The following DMD variants were observed in gnomAD, a reference collection of about 807,000 sequenced individuals.
The protein encoded by DMD is mutant dystrophin.
Under a neutral mutation model 330.1 loss-of-function variants are expected in DMD, and 63 were observed. The observed-to-expected ratio is 0.19, with a 90% CI of 0.16 to 0.24. The LOEUF (loss-of-function observed/expected upper bound fraction) is 0.24. Ranked by LOEUF, DMD falls within the 10% of genes least tolerant of loss-of-function variation. The pLI, the probability that DMD is intolerant of heterozygous loss-of-function variation, is 1.00. For synonymous variants in DMD, 1,223 were observed against 959.8 expected (o/e 1.27, Z -5.07); for missense variants, 3,344 against 2,684.1 (o/e 1.25, Z -5.43).
At chrX:31,418,103 T>C (rs2063165644) in intron 60 of DMD, among the ~76,000 whole-genome samples, 1 of 110,833 alleles carries the variant, frequency 9.0e-6, no homozygotes, top group Non-Finnish European at 1.9e-5. Context: ...TTTAGTCCGT[T>C]GGAATGCTAT....
At chrX:32,162,590 CTTTTTTT>C (rs3040088) in intron 44 of DMD, among the ~76,000 whole-genome samples, 9 of 43,241 alleles carry the variant, frequency 2.1e-4, no homozygotes, top group Non-Finnish European at 3.5e-4. Flanking sequence ...AAGCAACAAG[CTTTTTTT>C]TTTTTTTTTT....
At position 33,010,000 on chromosome X, in the gene DMD, A is replaced by G. The variant is rs1442586696; in HGVS notation, c.93+10139T>C. ...TATACACATGTGTGTATATACACGT[A>G]TGTATGTGTATATACACATATGTGT... On this transcript the variant is annotated intron_variant, in intron 2 of 78. Coordinates refer to ENST00000357033, the MANE Select transcript of DMD (RefSeq NM_004006.3). Among the ~76,000 whole-genome samples the G allele has an allele frequency of 2.0e-3, 59 of 28,803 alleles. 9 individuals carry two copies. In the East Asian group the frequency reaches 0.022, roughly 11 times the overall value. The allele number at this position is 28,803 out of a possible 115,157, so 25.0% of individuals were successfully genotyped here.
chrX:32,203,188 T>A (rs1177774444), intron 44 of DMD, among the ~76,000 whole-genome samples: 1 of 112,589 alleles, frequency 8.9e-6, no homozygotes, highest in Non-Finnish European at 1.9e-5. Flanking sequence ...TCTATAAAAC[T>A]TTTAAAATAC....
intron 7 of DMD, among the ~76,000 whole-genome samples, chrX:32,789,669 C>G (rs900078606): frequency 1.2e-4 from 13 of 111,884 alleles, no homozygotes; most frequent in African/African-American, 3.6e-4. Flanking sequence ...ATAAAGCTCT[C>G]TAAGCCTCAG....
At chrX:31,951,141 G>A (rs2405526) in intron 45 of DMD, among the ~76,000 whole-genome samples, 11,050 of 72,338 alleles carry the variant, frequency 0.15, 1,043 homozygotes, top group African/African-American at 0.33. Context: ...ATATATATAT[G>A]TGTATATATA....
intron 55 of DMD, among the ~76,000 whole-genome samples, chrX:31,529,209 G>A (rs150297611): frequency 0.035 from 3,576 of 103,159 alleles, 177 homozygotes; most frequent in African/African-American, 0.12. Flanking sequence ...GTGACAGAGC[G>A]AGACTCCATT....
At chrX:32,372,532 C>A (rs1305826168) in intron 34 of DMD, among the ~76,000 whole-genome samples, 2 of 111,376 alleles carry the variant, frequency 1.8e-5, no homozygotes, top group Non-Finnish European at 3.8e-5. Context: ...TAGAAAATTC[C>A]ATTAACAGAA....
chrX:32,550,519 A>T (rs907436086), intron 16 of DMD, among the ~76,000 whole-genome samples: 1 of 111,299 alleles, frequency 9.0e-6, no homozygotes, highest in Non-Finnish European at 1.9e-5. Flanking sequence ...TTATGGCACG[A>T]AACACCCATA....
intron 44 of DMD, among the ~76,000 whole-genome samples, chrX:32,119,902 C>T (rs1255154435): frequency 8.9e-6 from 1 of 112,049 alleles, no homozygotes; most frequent in East Asian, 2.8e-4. Context: ...CCTGTGGTCA[C>T]CCTTTTCAGT....
chrX:31,627,509 C>T (rs755514284), intron 55 of DMD, among the ~76,000 whole-genome samples, 164 bp downstream of exon 55: 5 of 111,928 alleles, frequency 4.5e-5, no homozygotes, highest in South Asian at 7.5e-4. Context: ...AATGATGTTT[C>T]CTTCTCCCTC....
intron 7 of DMD, among the ~76,000 whole-genome samples, chrX:32,804,592 G>A (rs1188003965): frequency 8.9e-6 from 1 of 112,636 alleles, no homozygotes; most frequent in Non-Finnish European, 1.9e-5. Flanking sequence ...GAAGAGAGCA[G>A]CAGATCTCCC....
At chrX:32,554,860 GA>G (rs2050028876) in intron 16 of DMD, among the ~76,000 whole-genome samples, 1 of 60,023 alleles carries the variant, frequency 1.7e-5, no homozygotes, top group Admixed American at 2.0e-4. Flanking sequence ...GAGAGAGAGA[GA>G]GAGAGAGAGA....
At chrX:32,277,925 G>A (rs775863151) in intron 43 of DMD, among the ~76,000 whole-genome samples, 6 of 110,251 alleles carry the variant, frequency 5.4e-5, no homozygotes, top group African/African-American at 2.0e-4. Flanking sequence ...GGAGCAAATC[G>A]AACCCAAAAT....
chrX:31,131,623 T>C (rs1244515103), intron 77 of DMD, among the ~76,000 whole-genome samples: 1 of 111,692 alleles, frequency 9.0e-6, no homozygotes, highest in Non-Finnish European at 1.9e-5. Context: ...CCCAAGATGT[T>C]AAGATTCTCA....
intron 7 of DMD, among the ~76,000 whole-genome samples, chrX:32,700,994 A>G (rs1246453624): frequency 2.7e-5 from 3 of 112,165 alleles, no homozygotes; most frequent in African/African-American, 9.7e-5. Flanking sequence ...AAAGAGTTAC[A>G]AGAGACGAAA....
intron 9 of DMD, among the ~76,000 whole-genome samples, chrX:32,695,369 C>T (rs190026264): frequency 2.8e-4 from 31 of 111,610 alleles, no homozygotes; most frequent in African/African-American, 9.8e-4. Flanking sequence ...TTTTGGGGCA[C>T]CTGTGTGGGA....
chrX:31,601,691 G>GA (rs1056368851), intron 55 of DMD, among the ~76,000 whole-genome samples: 5 of 111,005 alleles, frequency 4.5e-5, no homozygotes, highest in Non-Finnish European at 9.4e-5. Context: ...TGTATGCTAC[G>GA]AAAAAAATAA....
intron 78 of DMD, among the ~76,000 whole-genome samples, chrX:31,125,221 C>A (rs2033464375): frequency 9.0e-6 from 1 of 111,127 alleles, no homozygotes; most frequent in African/African-American, 3.3e-5. Flanking sequence ...AAGAATGAAC[C>A]CAAGAAGTCT....
chrX:32,229,681 C>CATATAT (rs55916475), intron 43 of DMD, among the ~76,000 whole-genome samples: 485 of 24,282 alleles, frequency 0.02, 7 homozygotes, highest in Non-Finnish European at 0.025. Flanking sequence ...AGAGTTTCAT[C>CATATAT]ATATATATAT....
Sources: allele counts gnomAD v4.1 joint callset (sites outside exome capture counted in the v4.1 genomes callset), GRCh38; gene constraint gnomAD v4.1.1; transcripts MANE v1.5; gene names NCBI Gene and HGNC (gene_info 2026-07-23, HGNC 2026-07-21).